Variants in TCEAL4 observed in about 807,000 individuals in gnomAD.
TCEAL4 encodes the protein transcription elongation factor A like 4, also known as transcription elongation factor A protein-like 4.
A neutral mutation model predicts 1.3 loss-of-function variants in TCEAL4; 1 was observed. That is an observed-to-expected ratio of 0.79 (90% CI 0.28 to 3.76). The LOEUF (loss-of-function observed/expected upper bound fraction) is 3.76, where lower values mean the gene tolerates loss of function less well. TCEAL4 is among the 30% of genes most tolerant of loss of function. The probability of loss-of-function intolerance (pLI) is 0.18; values close to 1 mark genes in which losing one functional copy is unlikely to be tolerated. For synonymous variants in TCEAL4, 54 were observed against 50.7 expected (o/e 1.06, Z -0.28); for missense variants, 129 against 154.7 (o/e 0.83, Z 0.88).
At chrX:103,577,133 T>C in exon 2 of TCEAL4, 4 of 1,167,209 alleles carry the variant, frequency 3.4e-6, no homozygotes, top group Non-Finnish European at 4.6e-6. Context: ...AGTCCACATC[T>C]GTCAATGCGA....
intron 2 of TCEAL4, among the ~76,000 whole-genome samples, chrX:103,577,881 A>G: frequency 9.0e-6 from 1 of 111,713 alleles, no homozygotes; most frequent in East Asian, 2.8e-4. Flanking sequence ...GCATAATCCA[A>G]TGGTTTTTTA....
chrX:103,584,320 C>T (rs1488920109), upstream of TCEAL4, among the ~76,000 whole-genome samples: 2 of 111,792 alleles, frequency 1.8e-5, no homozygotes, highest in African/African-American at 3.3e-5. Context: ...CATGTGTCCC[C>T]AGTCCTTCAA....
At chrX:103,582,761 A>T (rs2073514027), upstream of TCEAL4, among the ~76,000 whole-genome samples, 1 of 107,208 alleles carries the variant, frequency 9.3e-6, no homozygotes, top group South Asian at 4.2e-4. Context: ...TTAACTCAAG[A>T]TGGATTAAAG....
upstream of TCEAL4, among the ~76,000 whole-genome samples, chrX:103,580,707 T>C (rs1020319042): frequency 3.6e-5 from 4 of 111,746 alleles, no homozygotes; most frequent in African/African-American, 1.3e-4. Context: ...TCCACCCACC[T>C]TGGCTTCTCA....
chrX:103,578,451 T>G (rs1372511701), intron 2 of TCEAL4, among the ~76,000 whole-genome samples: 1 of 111,840 alleles, frequency 8.9e-6, no homozygotes, highest in Non-Finnish European at 1.9e-5. Context: ...CATTTGATGT[T>G]CCCACCTATA....
chrX:103,585,969 G>A (rs1199476442), intron 1 of TCEAL4: 1 of 1,078,103 alleles, frequency 9.3e-7, no homozygotes, highest in African/African-American at 1.9e-5. Context: ...CCCGTGCGTA[G>A]AGAAAAACGT....
chrX:103,585,565 C>A lies in TCEAL4; in HGVS notation c.-160C>A. 8.6e-7 allele frequency: 1 copy of A among 1,162,764 alleles called. No individual in the cohort carries two copies. Among genetic ancestry groups the A allele is most frequent in the Non-Finnish European group, 1.1e-6 (1 of 870,522 alleles). On this transcript the variant is annotated 5_prime_UTR_variant, in exon 1 of 3. Coordinates refer to ENST00000472484, the MANE Select transcript of TCEAL4 (RefSeq NM_001006935.3). ...TCCGAGTGCCTGCCCTCTGTCCCCGCGGCTGGGTCTCGTCTGCTCCGGTTC... is the reference window on the plus strand; with the variant it reads ...TCCGAGTGCCTGCCCTCTGTCCCCGAGGCTGGGTCTCGTCTGCTCCGGTTC...
intron 1 of TCEAL4, 196 bp downstream of exon 1, chrX:103,585,820 G>A (rs1186912749): frequency 1.2e-4 from 128 of 1,059,452 alleles, no homozygotes; most frequent in Non-Finnish European, 1.6e-4. Flanking sequence ...AGAGGGTGAG[G>A]AAGGCGAGCA....
chrX:103,585,881 C>T, intron 1 of TCEAL4: 3 of 1,053,040 alleles, frequency 2.8e-6, no homozygotes, highest in Non-Finnish European at 1.2e-6. Flanking sequence ...CTCTGCCCTC[C>T]GTCCATTTTG....
chrX:103,587,378 A>G lies in TCEAL4; in HGVS notation c.*55A>G. 8.9e-7 allele frequency: 1 copy of G among 1,121,106 alleles called. No homozygotes were observed. Among genetic ancestry groups the G allele is most frequent in the Non-Finnish European group, 1.2e-6 (1 of 848,482 alleles). The allele number at this position is 1,121,106 out of a possible 1,213,427, so 92.4% of individuals were successfully genotyped here. ...TGCTTTAACGTTACGGTAATACTTT[A>G]CTTTAGGCATCCCTCCTGTTGCTAG... On this transcript the variant is annotated 3_prime_UTR_variant, in exon 3 of 3. Coordinates refer to ENST00000472484, the MANE Select transcript of TCEAL4 (RefSeq NM_001006935.3).
At chrX:103,580,682 C>T (rs779728284), upstream of TCEAL4, among the ~76,000 whole-genome samples, 23 of 111,442 alleles carry the variant, frequency 2.1e-4, no homozygotes, top group Admixed American at 7.6e-4. Flanking sequence ...GTCTCAAACT[C>T]CTGGGCTCAA....
chrX:103,585,611 C>T lies in TCEAL4; in HGVS notation c.-114C>T. The T allele has an allele frequency of 8.6e-7, 1 of 1,165,564 alleles. No individual in the cohort carries two copies. Among genetic ancestry groups the T allele is most frequent in the South Asian group, 1.9e-5 (1 of 52,580 alleles). Reference sequence around the variant, plus strand: ...GGTTCCTGGGCTCCTAATTCTTGGTCCAGCTTCTTCCAGGTCAGTGTGCGG... The same window carrying T: ...GGTTCCTGGGCTCCTAATTCTTGGTTCAGCTTCTTCCAGGTCAGTGTGCGG... On this transcript the variant is annotated 5_prime_UTR_variant, in exon 1 of 3. Transcript: ENST00000472484.
At chrX:103,579,243 T>C (rs1479121027) in intron 2 of TCEAL4, among the ~76,000 whole-genome samples, 1 of 111,934 alleles carries the variant, frequency 8.9e-6, no homozygotes, top group African/African-American at 3.2e-5. Flanking sequence ...AATGTTTTCC[T>C]TTTTTTTAAA....
At position 103,586,669 on chromosome X, in the gene TCEAL4, T is replaced by C. The variant is rs1327203875; in HGVS notation, c.-7T>C. The stretch of plus-strand genomic sequence containing the variant: ...CCCAGGACAGGAAAAGGAGGGGAAA[T>C]CTCGACATGGAAAAACTCTACAGTG... On this transcript the variant is annotated 5_prime_UTR_variant, in exon 3 of 3. Coordinates refer to ENST00000472484, the MANE Select transcript of TCEAL4 (RefSeq NM_001006935.3). 2.5e-6 allele frequency: 3 copies of C among 1,208,198 alleles called. No individual in the cohort carries two copies. The South Asian group carries it at 5.3e-5, about 21-fold the overall frequency.
chrX:103,579,989 G>A (rs910624759), intron 2 of TCEAL4, among the ~76,000 whole-genome samples: 1 of 111,669 alleles, frequency 9.0e-6, no homozygotes, highest in Non-Finnish European at 1.9e-5. Context: ...GTACTATATT[G>A]GTTAAAATTG....
At chrX:103,585,405 A>C (rs1218361736), upstream of TCEAL4, 7 of 946,980 alleles carry the variant, frequency 7.4e-6, no homozygotes, top group Non-Finnish European at 9.5e-6. Flanking sequence ...AAAAGGGCCC[A>C]GGGAGGTAAG....
At chrX:103,583,550 A>G (rs977827931), upstream of TCEAL4, among the ~76,000 whole-genome samples, 5 of 112,558 alleles carry the variant, frequency 4.4e-5, no homozygotes, top group Non-Finnish European at 9.4e-5. Flanking sequence ...GAATGAGATC[A>G]TGTCTTTTGC....
chrX:103,579,225 A>C (rs2073496763), intron 2 of TCEAL4, among the ~76,000 whole-genome samples: 1 of 112,210 alleles, frequency 8.9e-6, no homozygotes, highest in South Asian at 3.7e-4. Context: ...TGGAAGTGTG[A>C]GACCTCCAAT....
upstream of TCEAL4, among the ~76,000 whole-genome samples, chrX:103,585,252 G>A (rs975123898): frequency 1.8e-5 from 2 of 110,405 alleles, no homozygotes; most frequent in Non-Finnish European, 3.8e-5. Context: ...CGATTTTATC[G>A]GGTGGGTCTA....
Sources: allele counts gnomAD v4.1 joint callset (sites outside exome capture counted in the v4.1 genomes callset), GRCh38; gene constraint gnomAD v4.1.1; transcripts MANE v1.5; gene names NCBI Gene and HGNC (gene_info 2026-07-23, HGNC 2026-07-21).